The following FHIT variants were observed in gnomAD, a reference collection of about 807,000 sequenced individuals.
The protein encoded by FHIT is fragile histidine triad diadenosine triphosphatase.
In FHIT, 19 loss-of-function variants were observed where a neutral mutation model predicts 17.9. That is an observed-to-expected ratio of 1.06 (90% CI 0.74 to 1.56). The LOEUF (loss-of-function observed/expected upper bound fraction) is 1.56. FHIT is among the 40% of genes most tolerant of loss of function. FHIT has a pLI of 0.00. For missense variants in FHIT, 248 were observed against 189.2 expected, an observed-to-expected ratio of 1.31 and a Z score of -1.82; for synonymous variants, 81 against 69.7, an observed-to-expected ratio of 1.16 and a Z score of -0.81.
chr3:60,214,400 G>C (rs538495478), intron 5 of FHIT, among the ~76,000 whole-genome samples: 2 of 152,018 alleles, frequency 1.3e-5, no homozygotes, highest in Non-Finnish European at 2.9e-5. Flanking sequence ...AACTAAAAAA[G>C]CATAGTATTC....
At chr3:60,447,852 T>C (rs545899351) in intron 5 of FHIT, among the ~76,000 whole-genome samples, 1 of 152,252 alleles carries the variant, frequency 6.6e-6, no homozygotes, top group South Asian at 2.1e-4. Flanking sequence ...TGAAGACGTA[T>C]GTAGTAAAGA....
intron 2 of FHIT, among the ~76,000 whole-genome samples, chr3:61,044,421 G>A (rs543807563): frequency 1.3e-5 from 2 of 152,130 alleles, no homozygotes; most frequent in African/African-American, 4.8e-5. Context: ...AGTGAGAAGA[G>A]AAGTTTAGAG....
chr3:60,140,707 T>C (rs531540178), intron 5 of FHIT, among the ~76,000 whole-genome samples: 2 of 151,350 alleles, frequency 1.3e-5, no homozygotes, highest in South Asian at 4.3e-4. Context: ...GCCTCCCAAA[T>C]AGCTGGGACT....
At chr3:61,135,159 G>C (rs1325808391) in intron 2 of FHIT, among the ~76,000 whole-genome samples, 2 of 152,182 alleles carry the variant, frequency 1.3e-5, no homozygotes, top group Non-Finnish European at 2.9e-5. Context: ...GGTGGAAATG[G>C]CTAATCATTC....
chr3:60,359,039 T>G (rs1414641241), intron 5 of FHIT, among the ~76,000 whole-genome samples: 2 of 152,114 alleles, frequency 1.3e-5, no homozygotes, highest in African/African-American at 4.8e-5. Context: ...AGATGTGGTA[T>G]CCCATCAGCA....
chr3:60,335,192 T>C (rs187842758), intron 5 of FHIT, among the ~76,000 whole-genome samples: 5 of 152,208 alleles, frequency 3.3e-5, no homozygotes, highest in Non-Finnish European at 5.9e-5. Flanking sequence ...GTCAATTTTA[T>C]GGCTCTTGTG....
chr3:59,880,846 C>T (rs1294756501), intron 8 of FHIT, among the ~76,000 whole-genome samples: 1 of 152,068 alleles, frequency 6.6e-6, no homozygotes, highest in Admixed American at 6.6e-5. Context: ...TTACCATTAG[C>T]CAAAACAGTA....
At chr3:60,619,598 TGCAA>T (rs1414186251) in intron 4 of FHIT, among the ~76,000 whole-genome samples, 45 of 45,754 alleles carry the variant, frequency 9.8e-4, no homozygotes, top group African/African-American at 5.3e-3. Context: ...GATACCCACA[TGCAA>T]AAAAAAAAAA....
chr3:59,889,708 A>G (rs992966157), intron 8 of FHIT, among the ~76,000 whole-genome samples: 2 of 152,220 alleles, frequency 1.3e-5, no homozygotes, highest in Non-Finnish European at 2.9e-5. Context: ...TTTTTTACGT[A>G]AGGTCAAAGA....
At chr3:60,940,896 T>A (rs1358361920) in intron 3 of FHIT, among the ~76,000 whole-genome samples, 1 of 152,174 alleles carries the variant, frequency 6.6e-6, no homozygotes, top group Admixed American at 6.5e-5. Flanking sequence ...AGTGGTAGTG[T>A]CAAACTGCTA....
intron 3 of FHIT, among the ~76,000 whole-genome samples, chr3:60,881,546 C>T (rs947760243): frequency 7.9e-5 from 12 of 152,006 alleles, no homozygotes; most frequent in Non-Finnish European, 1.6e-4. Flanking sequence ...AAATAAGTCT[C>T]GACAAATTTA....
chr3:60,791,845 T>C (rs948163085), intron 4 of FHIT, among the ~76,000 whole-genome samples: 9 of 152,222 alleles, frequency 5.9e-5, no homozygotes, highest in African/African-American at 2.2e-4. Flanking sequence ...AAGTGAATGC[T>C]AACGTAGTCT....
intron 5 of FHIT, among the ~76,000 whole-genome samples, chr3:60,404,559 A>G (rs1004298407): frequency 6.6e-6 from 1 of 152,142 alleles, no homozygotes; most frequent in Admixed American, 6.5e-5. Context: ...TTTTACAGAT[A>G]GCTCTTTGAT....
chr3:60,963,805 A>G (rs944935599), intron 3 of FHIT, among the ~76,000 whole-genome samples: 1 of 152,160 alleles, frequency 6.6e-6, no homozygotes. Context: ...ACAGTTTATT[A>G]TAATTTCTAT....
At chr3:60,142,158 T>A (rs139947324) in intron 5 of FHIT, among the ~76,000 whole-genome samples, 33 of 152,302 alleles carry the variant, frequency 2.2e-4, no homozygotes, top group African/African-American at 6.7e-4. Context: ...GAATGTAAGA[T>A]CTAAAGCCAG....
chr3:60,947,518 T>A (rs547973840), intron 3 of FHIT, among the ~76,000 whole-genome samples: 1 of 152,328 alleles, frequency 6.6e-6, no homozygotes, highest in African/African-American at 2.4e-5. Flanking sequence ...CTATTAAAAA[T>A]ATAAAGAAAT....
intron 4 of FHIT, among the ~76,000 whole-genome samples, chr3:60,560,791 T>C (rs1291960445): frequency 7.1e-6 from 1 of 140,954 alleles, no homozygotes; most frequent in Non-Finnish European, 1.5e-5. Flanking sequence ...CCATTTCTAC[T>C]GATGTAAGGA....
At chr3:60,295,855 A>G (rs1387460090) in intron 5 of FHIT, among the ~76,000 whole-genome samples, 4 of 152,122 alleles carry the variant, frequency 2.6e-5, no homozygotes, top group Non-Finnish European at 5.9e-5. Flanking sequence ...AAGGAGGGTG[A>G]TATGGTTTGG....
At chr3:60,719,016 GA>G (rs143349360) in intron 4 of FHIT, among the ~76,000 whole-genome samples, 2,168 of 152,264 alleles carry the variant, frequency 0.014, 31 homozygotes, top group Middle Eastern at 0.041. Context: ...GCATATACCT[GA>G]ACTGTGGTAG....
Sources: allele counts gnomAD v4.1 joint callset (sites outside exome capture counted in the v4.1 genomes callset), GRCh38; gene constraint gnomAD v4.1.1; transcripts MANE v1.5; gene names NCBI Gene and HGNC (gene_info 2026-07-23, HGNC 2026-07-21).